SRGAP1: variants seen among roughly 807,000 people sequenced by gnomAD.
SRGAP1 encodes the protein SLIT-ROBO Rho GTPase-activating protein 1.
A neutral mutation model predicts 121.9 loss-of-function variants in SRGAP1; 43 were observed. The observed-to-expected ratio is 0.35, with a 90% CI of 0.28 to 0.46. The LOEUF is 0.46. Ranked by LOEUF, SRGAP1 falls within the 20% of genes least tolerant of loss-of-function variation. SRGAP1 has a pLI of 1.00. For synonymous variants in SRGAP1, 447 were observed against 485.4 expected (o/e 0.92, Z 1.04); for missense variants, 1,102 against 1,350.9 (o/e 0.82, Z 2.89).
At chr12:64,055,713 A>G (rs1371096645) in intron 6 of SRGAP1, among the ~76,000 whole-genome samples, 1 of 152,192 alleles carries the variant, frequency 6.6e-6, no homozygotes. Flanking sequence ...TGGAGGTTCC[A>G]GGAGTCTTTG....
At chr12:64,083,648 A>G (rs1043400531) in intron 10 of SRGAP1, among the ~76,000 whole-genome samples, 2 of 152,236 alleles carry the variant, frequency 1.3e-5, no homozygotes, top group Non-Finnish European at 2.9e-5. Flanking sequence ...TTTTTAAATC[A>G]TAGAAGTTAA....
chr12:63,923,301 C>G (rs1247663746), intron 1 of SRGAP1, among the ~76,000 whole-genome samples: 1 of 152,146 alleles, frequency 6.6e-6, no homozygotes. Flanking sequence ...ATTCATGCTA[C>G]TATATATTAT....
At chr12:64,000,689 T>C (rs1163433721) in intron 3 of SRGAP1, among the ~76,000 whole-genome samples, 1 of 152,120 alleles carries the variant, frequency 6.6e-6, no homozygotes, top group Non-Finnish European at 1.5e-5. Context: ...AGAACAGGTG[T>C]AATTGATTGA....
At chr12:64,020,558 C>A (rs2034517106) in intron 4 of SRGAP1, among the ~76,000 whole-genome samples, 1 of 152,212 alleles carries the variant, frequency 6.6e-6, no homozygotes, top group Non-Finnish European at 1.5e-5. Flanking sequence ...TTAGTTCAGT[C>A]TTCACTGGCT....
At chr12:64,059,426 T>G (rs183163211) in intron 6 of SRGAP1, among the ~76,000 whole-genome samples, 8 of 151,926 alleles carry the variant, frequency 5.3e-5, no homozygotes, top group Admixed American at 3.3e-4. Flanking sequence ...GATTTGGGGG[T>G]TTTTGTGGGA....
intron 18 of SRGAP1, chr12:64,120,541 G>C (rs895117229): frequency 6.6e-6 from 1 of 152,132 alleles, no homozygotes; most frequent in Admixed American, 6.5e-5. Flanking sequence ...ACAATCTATG[G>C]AGAGGTATTG....
At chr12:64,074,973 T>C (rs1180122390) in intron 8 of SRGAP1, among the ~76,000 whole-genome samples, 2 of 152,216 alleles carry the variant, frequency 1.3e-5, no homozygotes. Context: ...TATATCCTGA[T>C]ATTGTGTTTG....
At chr12:63,948,124 C>A (rs2032107778) in intron 1 of SRGAP1, among the ~76,000 whole-genome samples, 1 of 152,090 alleles carries the variant, frequency 6.6e-6, no homozygotes, top group East Asian at 1.9e-4. Context: ...CACCAGCTTT[C>A]TTTCGCCCTA....
intron 1 of SRGAP1, among the ~76,000 whole-genome samples, chr12:63,890,759 A>T (rs1900551859): frequency 6.6e-6 from 1 of 152,270 alleles, no homozygotes; most frequent in Non-Finnish European, 1.5e-5. Flanking sequence ...AGGCCCCAGG[A>T]GACGGGCAGT....
At chr12:63,999,708 G>T (rs1017956228) in intron 3 of SRGAP1, among the ~76,000 whole-genome samples, 15 of 152,108 alleles carry the variant, frequency 9.9e-5, no homozygotes, top group Admixed American at 1.3e-4. Context: ...TTACTTTTGG[G>T]TGTGCCTATG....
intron 4 of SRGAP1, among the ~76,000 whole-genome samples, chr12:64,026,434 C>G (rs1383787063): frequency 1.3e-5 from 2 of 152,134 alleles, no homozygotes; most frequent in Non-Finnish European, 1.5e-5. Flanking sequence ...GGAAATCAAG[C>G]TCTAAATCAG....
At chr12:64,137,467 T>C (rs1387973460) in intron 21 of SRGAP1, among the ~76,000 whole-genome samples, 1 of 152,174 alleles carries the variant, frequency 6.6e-6, no homozygotes, top group Non-Finnish European at 1.5e-5. Context: ...TCTTTCCATC[T>C]TTAGCCTTCA....
At position 64,154,677 on chromosome 12, in the gene SRGAP1, A is replaced by C. The variant is rs1030171114; in HGVS notation, c.*12005A>C. 1.3e-5 allele frequency: 2 copies of C among 152,180 alleles called. No homozygotes were observed. Among genetic ancestry groups the C allele is most frequent in the African/African-American group, 4.8e-5 (2 of 41,426 alleles). The allele number at this position is 152,180 out of a possible 1,614,324, so 9.4% of individuals were successfully genotyped here. ...CACGTTTGAATTTATTTAATTTAAG[A>C]TAGGTATTAGACTTCCAAGTGGAGA... On this transcript the variant is annotated 3_prime_UTR_variant, in exon 22 of 22. Transcript: ENST00000355086.
In SRGAP1 at chr12:64,154,349, G is replaced by C. The variant is rs192465673; in HGVS notation, c.*11677G>C. 56 of 152,284 alleles carry C rather than the reference G, an allele frequency of 3.7e-4. 1 individual carries two copies. The highest frequency in any genetic ancestry group is 1.3e-3 in the African/African-American group (56 of 41,544). 9.4% of individuals were successfully genotyped at this position (152,284 alleles called of 1,614,324 possible). A position where few individuals can be genotyped will look rare whatever the true frequency, so the allele number is the denominator to read the frequency against. On this transcript the variant is annotated 3_prime_UTR_variant, in exon 22 of 22. Coordinates refer to ENST00000355086, the MANE Select transcript of SRGAP1 (RefSeq NM_020762.4). ...GTAGTTGTGTTTGGGGTCCACGGGT[G>C]GGGAGGAGCTTGGGAAGGAATGGCA...
chr12:63,876,508 A>C (rs1197700521), intron 1 of SRGAP1, among the ~76,000 whole-genome samples: 1 of 152,192 alleles, frequency 6.6e-6, no homozygotes, highest in Non-Finnish European at 1.5e-5. Flanking sequence ...TAACTGTGAA[A>C]TTACAGTGTT....
intron 1 of SRGAP1, among the ~76,000 whole-genome samples, chr12:63,970,822 G>A (rs1015213407): frequency 3.9e-5 from 6 of 152,030 alleles, no homozygotes; most frequent in African/African-American, 1.5e-4. Context: ...AATTTCATTA[G>A]TTAGAACATA....
chr12:64,099,339 C>A (rs1297659616), intron 15 of SRGAP1, among the ~76,000 whole-genome samples: 1 of 152,172 alleles, frequency 6.6e-6, no homozygotes, highest in East Asian at 1.9e-4. Context: ...ACAGTTAGCT[C>A]CACAGGCTTG....
At chr12:63,888,414 C>T (rs1319776740) in intron 1 of SRGAP1, 1 of 152,206 alleles carries the variant, frequency 6.6e-6, no homozygotes, top group Non-Finnish European at 1.5e-5. Flanking sequence ...CAGTATCAGA[C>T]ATCGGCTCAT....
At chr12:63,881,960 G>A in intron 1 of SRGAP1, among the ~76,000 whole-genome samples, 1 of 151,868 alleles carries the variant, frequency 6.6e-6, no homozygotes, top group Admixed American at 6.6e-5. Flanking sequence ...ACTAATTCAA[G>A]GACTGCAGTA....
Sources: gnomAD v4.1 joint callset for allele counts (sites outside exome capture counted in the v4.1 genomes callset) on GRCh38, gnomAD v4.1.1 for gene constraint, MANE v1.5 for transcripts, NCBI Gene and HGNC (gene_info 2026-07-23, HGNC 2026-07-21) for gene names.